PRIMPOL: variants seen among roughly 807,000 people sequenced by gnomAD.
The protein encoded by PRIMPOL is primase and DNA directed polymerase.
A neutral mutation model predicts 63.6 loss-of-function variants in PRIMPOL; 54 were observed. The ratio of observed to expected loss-of-function variants is 0.85; its 90% CI spans 0.68 to 1.07. The LOEUF (loss-of-function observed/expected upper bound fraction) is 1.07, where lower values mean the gene tolerates loss of function less well. Ranked by LOEUF, PRIMPOL falls within the 50% of genes least tolerant of loss-of-function variation. The pLI is 0.00. For synonymous variants in PRIMPOL, 197 were observed against 220.2 expected (o/e 0.89, Z 0.93); for missense variants, 610 against 648.3 (o/e 0.94, Z 0.64).
chr4:184,683,989 A>G (rs1194462187), intron 9 of PRIMPOL, among the ~76,000 whole-genome samples: 1 of 151,102 alleles, frequency 6.6e-6, no homozygotes, highest in Non-Finnish European at 1.5e-5. Context: ...AAATATGGAT[A>G]AATTTTCTTA....
chr4:184,676,319 C>CCCTTT (rs1205590174), intron 7 of PRIMPOL, among the ~76,000 whole-genome samples: 29 of 125,534 alleles, frequency 2.3e-4, no homozygotes, highest in African/African-American at 9.0e-4. Flanking sequence ...CCCCTCCCTT[C>CCCTTT]CCTTTCCTTC....
At chr4:184,693,619 A>T (rs1280584277) in intron 13 of PRIMPOL, among the ~76,000 whole-genome samples, 1 of 152,096 alleles carries the variant, frequency 6.6e-6, no homozygotes, top group East Asian at 1.9e-4. Context: ...TGGTCACTTG[A>T]TTTTAAATTT....
Position 184,694,660 on chromosome 4 carries a change from T to G in PRIMPOL, c.1564T>G (p.Phe522Val). 1 of 1,614,194 alleles carries G rather than the reference T, an allele frequency of 6.2e-7. No individual in the cohort carries two copies. The highest frequency in any genetic ancestry group is 8.5e-7 in the Non-Finnish European group (1 of 1,180,028). The change falls in exon 14 of 14, where the codon TTT becomes GTT. Residue 522 changes from phenylalanine (F) to valine (V), a missense_variant. Phe to Val is a conservative substitution (Grantham distance 50). This residue lies in a region of PRIMPOL where 444 missense variants were observed against 456.4 expected (regional missense o/e 0.97). Coordinates refer to ENST00000314970, the MANE Select transcript of PRIMPOL (RefSeq NM_152683.4). ...VWDNGIDDAY[F>V]LEATEDAELA... Reference sequence around the variant, plus strand: ...GGATAATGGCATTGATGATGCTTATTTTTTAGAAGCTACTGAAGATGCTGA... The same window carrying G: ...GGATAATGGCATTGATGATGCTTATGTTTTAGAAGCTACTGAAGATGCTGA...
intron 5 of PRIMPOL, 142 bp from the exon 6 acceptor site, chr4:184,665,775 G>A: frequency 2.1e-6 from 1 of 482,172 alleles, no homozygotes; most frequent in African/African-American, 2.0e-5. Context: ...AAAGTGCTGG[G>A]ATTACAGGCA....
intron 7 of PRIMPOL, among the ~76,000 whole-genome samples, chr4:184,674,002 C>T (rs148393351): frequency 6.6e-6 from 1 of 152,258 alleles, no homozygotes; most frequent in Non-Finnish European, 1.5e-5. Context: ...ATATCATCTC[C>T]GGGTGGGACT....
chr4:184,658,823 G>A (rs1187987008), intron 3 of PRIMPOL, among the ~76,000 whole-genome samples: 1 of 151,134 alleles, frequency 6.6e-6, no homozygotes, highest in East Asian at 1.9e-4. Flanking sequence ...CAGGAGAATC[G>A]CTTAAACCTG....
intron 6 of PRIMPOL, among the ~76,000 whole-genome samples, chr4:184,667,062 G>A (rs554864443): frequency 1.5e-4 from 23 of 152,232 alleles, no homozygotes; most frequent in African/African-American, 5.1e-4. Flanking sequence ...AGAGTTTCAC[G>A]GCCACCTAGA....
intron 8 of PRIMPOL, among the ~76,000 whole-genome samples, chr4:184,681,371 G>A (rs1453782570): frequency 6.6e-6 from 1 of 151,738 alleles, no homozygotes; most frequent in Non-Finnish European, 1.5e-5. Flanking sequence ...TTATTCCAAG[G>A]TCCCTGTGGA....
chr4:184,689,774 A>G (rs771719671), intron 11 of PRIMPOL, among the ~76,000 whole-genome samples: 1 of 152,110 alleles, frequency 6.6e-6, no homozygotes, highest in Non-Finnish European at 1.5e-5. Flanking sequence ...GGTGCTTTCT[A>G]TTACAACCAC....
At chr4:184,655,755 A>G (rs1746250128) in intron 2 of PRIMPOL, among the ~76,000 whole-genome samples, 1 of 152,240 alleles carries the variant, frequency 6.6e-6, no homozygotes, top group South Asian at 2.1e-4. Flanking sequence ...CAAATGTGTT[A>G]CCAAAGAAAT....
rs542477416 is a variant in PRIMPOL, at chr4:184,662,471, G to A, written c.408+568G>A. On this transcript the variant is annotated intron_variant, in intron 5 of 13. Transcript: ENST00000314970. Reference sequence around the variant, plus strand: ...ATTTTTAACTAAGAGAAAAAATACTGTAGTTCTTTATTTTTGATTTAGCTG... The same window carrying A: ...ATTTTTAACTAAGAGAAAAAATACTATAGTTCTTTATTTTTGATTTAGCTG... 2.1e-3 allele frequency among the ~76,000 whole-genome samples: 319 copies of A among 152,204 alleles called. 2 individuals are homozygous for A. Among genetic ancestry groups the A allele is most frequent in the Non-Finnish European group, 3.8e-3 (256 of 67,998 alleles).
rs1200532544 is a variant in PRIMPOL, at chr4:184,691,493, A to G, written c.1296-6A>G. ...TAATACTTTTTTTTTTTTTTTAAAC[A>G]TAAAGGATTCTGGTTGATCTGAAAA... On this transcript the variant is annotated splice_region_variant and splice_polypyrimidine_tract_variant and intron_variant, in intron 11 of 13. Transcript: ENST00000314970. 1.3e-6 allele frequency: 2 copies of G among 1,551,398 alleles called. No homozygotes were observed. The highest frequency in any genetic ancestry group is 1.2e-5 in the South Asian group (1 of 85,908).
chr4:184,688,574 G>T (rs1269579903), intron 11 of PRIMPOL, among the ~76,000 whole-genome samples: 1 of 152,188 alleles, frequency 6.6e-6, no homozygotes, highest in Non-Finnish European at 1.5e-5. Context: ...GGCCCTTCCT[G>T]CTCTTTCTGA....
intron 7 of PRIMPOL, among the ~76,000 whole-genome samples, chr4:184,673,012 T>G (rs1336927005): frequency 6.6e-6 from 1 of 152,128 alleles, no homozygotes; most frequent in Non-Finnish European, 1.5e-5. Context: ...TGAGCATGAT[T>G]CAACAACAGG....
chr4:184,674,676 T>C (rs1752797061), intron 7 of PRIMPOL, among the ~76,000 whole-genome samples: 1 of 152,236 alleles, frequency 6.6e-6, no homozygotes, highest in South Asian at 2.1e-4. Context: ...AAACAGTTGA[T>C]TAACCATGTT....
chr4:184,670,108 C>T (rs184719335), intron 6 of PRIMPOL, among the ~76,000 whole-genome samples: 3 of 152,038 alleles, frequency 2.0e-5, no homozygotes, highest in Non-Finnish European at 4.4e-5. Context: ...GGGTTGGGGG[C>T]AATAAGATCC....
At chr4:184,657,403 T>C in intron 3 of PRIMPOL, 83 bp downstream of exon 3, 1 of 1,099,140 alleles carries the variant, frequency 9.1e-7, no homozygotes, top group Middle Eastern at 2.2e-4. Context: ...ATTTCAGTTC[T>C]TTAAAAAAAA....
At chr4:184,659,742 C>T (rs1747737345) in intron 4 of PRIMPOL, among the ~76,000 whole-genome samples, 1 of 152,152 alleles carries the variant, frequency 6.6e-6, no homozygotes, top group South Asian at 2.1e-4. Flanking sequence ...ATTTATGTTA[C>T]TTACCTAGTA....
intron 6 of PRIMPOL, among the ~76,000 whole-genome samples, chr4:184,667,563 G>A (rs527241750): frequency 6.6e-6 from 1 of 152,268 alleles, no homozygotes; most frequent in Non-Finnish European, 1.5e-5. Flanking sequence ...GCCCGCCTTG[G>A]CCTCCCAAAG....
Sources: allele counts gnomAD v4.1 joint callset (sites outside exome capture counted in the v4.1 genomes callset), GRCh38; gene constraint gnomAD v4.1.1; regional missense constraint gnomAD v4.1.1; transcripts MANE v1.5; gene names NCBI Gene and HGNC (gene_info 2026-07-23, HGNC 2026-07-21).